Variants in TMEM132D observed in about 807,000 individuals in gnomAD.
TMEM132D encodes the protein transmembrane protein 132D, also known as mature OL transmembrane protein.
A neutral mutation model predicts 62.3 loss-of-function variants in TMEM132D; 21 were observed. The ratio of observed to expected loss-of-function variants is 0.34; its 90% confidence interval spans 0.24 to 0.49. TMEM132D has a LOEUF of 0.49. Ranked by LOEUF, TMEM132D falls within the 20% of genes least tolerant of loss-of-function variation. TMEM132D has a pLI of 0.99. For synonymous variants in TMEM132D, 621 were observed against 575.6 expected, an observed-to-expected ratio of 1.08 and a Z score of -1.13; for missense variants, 1,346 against 1,402.8, an observed-to-expected ratio of 0.96 and a Z score of 0.65.
intron 5 of TMEM132D, among the ~76,000 whole-genome samples, chr12:129,175,102 G>C (rs536159884): frequency 8.5e-5 from 13 of 152,092 alleles, no homozygotes; most frequent in Non-Finnish European, 1.3e-4. Context: ...GTTAATTCTG[G>C]CTTTTGTTGC....
rs1875193189 is a variant in TMEM132D, at chr12:129,098,711, C to A, written c.1444-14009G>T. Reference sequence around the variant, plus strand: ...CCTGCTCACGTCCTCGCCAAAGTGACCTTATTACATCTCCACTGGAGAGGT... The same window carrying A: ...CCTGCTCACGTCCTCGCCAAAGTGAACTTATTACATCTCCACTGGAGAGGT... On this transcript the variant is annotated intron_variant, in intron 5 of 8. Transcript: ENST00000422113. 2.0e-5 allele frequency among the ~76,000 whole-genome samples: 3 copies of A among 152,188 alleles called. No homozygotes were observed. The South Asian group carries it at 6.2e-4, about 31-fold the overall frequency.
intron 5 of TMEM132D, among the ~76,000 whole-genome samples, chr12:129,098,327 G>T (rs1261947364): frequency 6.6e-6 from 1 of 152,316 alleles, no homozygotes; most frequent in East Asian, 1.9e-4. Flanking sequence ...TCAGTAAGTG[G>T]TGCTGGAACA....
chr12:129,742,284 C>T (rs1869634480), intron 1 of TMEM132D, among the ~76,000 whole-genome samples: 1 of 152,196 alleles, frequency 6.6e-6, no homozygotes, highest in Admixed American at 6.5e-5. Flanking sequence ...AGTATGGTAC[C>T]AGCATCTGCT....
intron 1 of TMEM132D, among the ~76,000 whole-genome samples, chr12:129,755,050 G>A (rs1870120794): frequency 6.6e-6 from 1 of 152,114 alleles, no homozygotes; most frequent in Non-Finnish European, 1.5e-5. Context: ...TTGTTTCTTA[G>A]GCTCCCCCAA....
intron 1 of TMEM132D, among the ~76,000 whole-genome samples, chr12:129,731,796 G>A (rs1369939966): frequency 6.6e-6 from 1 of 152,068 alleles, no homozygotes; most frequent in Non-Finnish European, 1.5e-5. Context: ...CTAAGTAGCT[G>A]GGACTACAGG....
chr12:129,715,971 A>T (rs546578101), intron 1 of TMEM132D, among the ~76,000 whole-genome samples: 30 of 152,164 alleles, frequency 2.0e-4, no homozygotes, highest in Non-Finnish European at 3.5e-4. Context: ...GAGGGTCACG[A>T]GGCTAGCGAC....
chr12:129,358,518 A>G (rs1870147164), intron 3 of TMEM132D, among the ~76,000 whole-genome samples: 1 of 152,210 alleles, frequency 6.6e-6, no homozygotes, highest in Non-Finnish European at 1.5e-5. Context: ...ACCACAAATC[A>G]GGGCTTCTTT....
Position 129,654,283 on chromosome 12 carries a change from TGTGTGTGTGTGTGA to T in TMEM132D, c.968+45513_968+45526del, listed in dbSNP as rs776693121. On this transcript the variant is annotated intron_variant, in intron 2 of 8. Transcript: ENST00000422113. ...TCTCTCTCTCTCTCACTCTCTCGTG[TGTGTGTGTGTGTGA>T]GTGTGTGTGTGTGTGTGTGTGTTCT... is the stretch of plus-strand genomic sequence containing the variant. Among the ~76,000 whole-genome samples, 1,508 of 68,058 alleles carry T rather than the reference TGTGTGTGTGTGTGA, an allele frequency of 0.022. 28 individuals carry two copies. The South Asian group carries it at 0.24, about 11-fold the overall frequency. 44.6% of individuals were successfully genotyped at this position (68,058 alleles called of 152,430 possible). A position where few individuals can be genotyped will look rare whatever the true frequency, so the allele number is the denominator to read the frequency against.
intron 5 of TMEM132D, among the ~76,000 whole-genome samples, chr12:129,166,355 T>C (rs1248633911): frequency 6.6e-6 from 1 of 152,100 alleles, no homozygotes; most frequent in African/African-American, 2.4e-5. Flanking sequence ...TTGACAGGCA[T>C]GAATGCGGGC....
At chr12:129,129,117 GT>G (rs747984530) in intron 5 of TMEM132D, among the ~76,000 whole-genome samples, 17 of 152,118 alleles carry the variant, frequency 1.1e-4, no homozygotes, top group Non-Finnish European at 2.1e-4. Flanking sequence ...CCAAAAGTTA[GT>G]TTTTCAACCT....
chr12:129,861,356 G>A (rs1036802124), intron 1 of TMEM132D, among the ~76,000 whole-genome samples: 2 of 152,154 alleles, frequency 1.3e-5, no homozygotes, highest in Non-Finnish European at 2.9e-5. Context: ...TTTATAGTTG[G>A]AATGACAATA....
chr12:129,704,279 T>A (rs760711971), intron 1 of TMEM132D, among the ~76,000 whole-genome samples: 2 of 152,220 alleles, frequency 1.3e-5, no homozygotes, highest in Non-Finnish European at 2.9e-5. Context: ...ATATCTGATA[T>A]CTAGGCAGCT....
chr12:129,441,786 T>G (rs767811909), intron 3 of TMEM132D, among the ~76,000 whole-genome samples: 1 of 152,176 alleles, frequency 6.6e-6, no homozygotes, highest in African/African-American at 2.4e-5. Flanking sequence ...ACATATACAC[T>G]GTGGAATCTT....
intron 2 of TMEM132D, among the ~76,000 whole-genome samples, chr12:129,657,997 T>A (rs1025829823): frequency 6.6e-6 from 1 of 152,238 alleles, no homozygotes; most frequent in Admixed American, 6.5e-5. Context: ...GTGGAACTTA[T>A]CTTCCAGCAG....
At chr12:129,614,732 G>A (rs752698696) in intron 2 of TMEM132D, among the ~76,000 whole-genome samples, 7 of 152,122 alleles carry the variant, frequency 4.6e-5, no homozygotes, top group African/African-American at 1.7e-4. Flanking sequence ...CACACGCCCC[G>A]CCTAACCACA....
At chr12:129,118,496 A>G (rs1336079997) in intron 5 of TMEM132D, among the ~76,000 whole-genome samples, 1 of 152,100 alleles carries the variant, frequency 6.6e-6, no homozygotes, top group Non-Finnish European at 1.5e-5. Context: ...GCTGTGCTAG[A>G]CTCCAGGGAT....
intron 4 of TMEM132D, among the ~76,000 whole-genome samples, chr12:129,282,774 G>A (rs1042650093): frequency 1.4e-4 from 21 of 152,178 alleles, no homozygotes; most frequent in African/African-American, 1.4e-4. Context: ...GACCTCAAGC[G>A]TGCTTCAGAT....
intron 4 of TMEM132D, among the ~76,000 whole-genome samples, chr12:129,317,215 T>C (rs1438474285): frequency 1.3e-5 from 2 of 152,220 alleles, no homozygotes; most frequent in Non-Finnish European, 2.9e-5. Flanking sequence ...GCTTTTTAAC[T>C]TGTAGTTTTG....
intron 5 of TMEM132D, among the ~76,000 whole-genome samples, chr12:129,160,438 A>C (rs1432538034): frequency 6.6e-6 from 1 of 152,250 alleles, no homozygotes; most frequent in Non-Finnish European, 1.5e-5. Context: ...AGTTTGCATT[A>C]GTAGGTGAAA....
Sources: gnomAD v4.1 joint callset for allele counts (sites outside exome capture counted in the v4.1 genomes callset) on GRCh38, gnomAD v4.1.1 for gene constraint, MANE v1.5 for transcripts, NCBI Gene and HGNC (gene_info 2026-07-23, HGNC 2026-07-21) for gene names.